The following TMTC2 variants were observed in gnomAD, a reference collection of about 807,000 sequenced individuals.
The protein encoded by TMTC2 is protein O-mannosyl-transferase TMTC2.
TMTC2 carries 43 observed loss-of-function variants against 82.4 expected under a neutral mutation model. That is an observed-to-expected ratio of 0.52 (90% CI 0.41 to 0.67). The LOEUF is 0.67. Ranked by LOEUF, TMTC2 falls within the 30% of genes least tolerant of loss-of-function variation. The pLI, the probability that TMTC2 is intolerant of heterozygous loss-of-function variation, is 0.00. For missense variants in TMTC2, 919 were observed against 1,012.4 expected, an observed-to-expected ratio of 0.91 and a Z score of 1.25; for synonymous variants, 408 against 381.9, an observed-to-expected ratio of 1.07 and a Z score of -0.80.
chr12:82,787,805 G>A (rs1878253377), intron 1 of TMTC2, among the ~76,000 whole-genome samples: 1 of 152,034 alleles, frequency 6.6e-6, no homozygotes, highest in South Asian at 2.1e-4. Context: ...CAGCTACTTG[G>A]GAGGCTGAGG....
chr12:83,045,465 G>A (rs1434468037), intron 9 of TMTC2, among the ~76,000 whole-genome samples: 1 of 151,954 alleles, frequency 6.6e-6, no homozygotes, highest in Non-Finnish European at 1.5e-5. Flanking sequence ...CATAGAATGT[G>A]TTTGCTGTAT....
At chr12:83,036,088 C>G (rs1881651046) in intron 9 of TMTC2, among the ~76,000 whole-genome samples, 1 of 152,124 alleles carries the variant, frequency 6.6e-6, no homozygotes, top group Admixed American at 6.6e-5. Flanking sequence ...TTCTAAAAAG[C>G]TATGGCCCCA....
intron 7 of TMTC2, 43 bp from the exon 8 acceptor site, chr12:82,985,882 G>C: frequency 6.3e-7 from 1 of 1,597,384 alleles, no homozygotes; most frequent in Non-Finnish European, 8.6e-7. Flanking sequence ...ATGTGGAAAA[G>C]CTGTATCCTC....
intron 10 of TMTC2, 27 bp downstream of exon 10, chr12:83,051,045 A>C: frequency 1.3e-6 from 2 of 1,548,412 alleles, no homozygotes; most frequent in Non-Finnish European, 1.8e-6. Context: ...CTGTGCCTCA[A>C]AGCCTAGGCT....
At chr12:82,946,712 C>T (rs1198924762) in intron 4 of TMTC2, among the ~76,000 whole-genome samples, 1 of 151,398 alleles carries the variant, frequency 6.6e-6, no homozygotes, top group African/African-American at 2.4e-5. Context: ...ATGTCATCAT[C>T]AGACTCAGAG....
intron 2 of TMTC2, 73 bp from the exon 3 acceptor site, chr12:82,895,745 T>C (rs1873630338): frequency 7.6e-7 from 1 of 1,324,218 alleles, no homozygotes. Flanking sequence ...ATGTATTTTA[T>C]CTCTAAGTGT....
intron 8 of TMTC2, among the ~76,000 whole-genome samples, chr12:83,005,226 G>GAAAAAAA (rs1880135591): frequency 1.6e-4 from 1 of 6,150 alleles, no homozygotes; most frequent in African/African-American, 2.3e-4. Flanking sequence ...AAAAAAAAAG[G>GAAAAAAA]GGAGAGAGAG....
rs1405186687 is a variant in TMTC2 at position 83,030,807 on chromosome 12, A to G, written c.2080A>G (p.Ser694Gly). 1 of 1,613,246 alleles carries G rather than the reference A, an allele frequency of 6.2e-7. No individual in the cohort carries two copies. ...GKLLALTGRK[S>G]EAEKLFLKAI... The stretch of plus-strand genomic sequence containing the variant: ...TTCTCTGTTTTTCAAGGGTCGTAAG[A>G]GTGAGGCTGAAAAGCTCTTCTTGAA... The change falls in exon 9 of 12, where the codon AGT (serine) becomes GGT (glycine). Residue 694 changes from serine (S) to glycine (G), a missense_variant. By Grantham distance (56) the Ser-to-Gly change is moderately conservative. Transcript: ENST00000321196.
chr12:82,912,360 G>A (rs534129587), intron 3 of TMTC2, among the ~76,000 whole-genome samples: 1 of 152,204 alleles, frequency 6.6e-6, no homozygotes, highest in South Asian at 2.1e-4. Flanking sequence ...CTCTGTGTAG[G>A]AACTTGGAAG....
At position 82,687,469 on chromosome 12, in the gene TMTC2, G is replaced by A; in HGVS notation, c.-118G>A. 1 of 959,364 alleles carries A rather than the reference G, an allele frequency of 1.0e-6. No individual in the cohort carries two copies. The highest frequency in any genetic ancestry group is 1.5e-5 in the South Asian group (1 of 64,622). The allele number at this position is 959,364 out of a possible 1,614,324, so 59.4% of individuals were successfully genotyped here. On this transcript the variant is annotated 5_prime_UTR_variant, in exon 1 of 12. Transcript: ENST00000321196. ...CCCGAGGGAGGGAGGGTGGGGAAGCGAGGGAAAAGTGAAGCTGGGAGGAGA... is the reference window on the plus strand; with the variant it reads ...CCCGAGGGAGGGAGGGTGGGGAAGCAAGGGAAAAGTGAAGCTGGGAGGAGA...
At chr12:82,966,299 G>A (rs569460052) in intron 6 of TMTC2, among the ~76,000 whole-genome samples, 2 of 152,214 alleles carry the variant, frequency 1.3e-5, no homozygotes, top group East Asian at 3.9e-4. Flanking sequence ...TGCACAGTAA[G>A]TTAGGAGGTG....
intron 1 of TMTC2, among the ~76,000 whole-genome samples, chr12:82,769,252 C>T (rs1016949851): frequency 2.6e-5 from 4 of 152,020 alleles, no homozygotes; most frequent in Admixed American, 2.6e-4. Flanking sequence ...GCGGGTGAAA[C>T]ACCTTAGGTC....
At chr12:82,733,525 T>G (rs755862830) in intron 1 of TMTC2, among the ~76,000 whole-genome samples, 4 of 152,202 alleles carry the variant, frequency 2.6e-5, no homozygotes, top group African/African-American at 9.7e-5. Flanking sequence ...GAACTACTTA[T>G]GAACAGGCAG....
intron 1 of TMTC2, among the ~76,000 whole-genome samples, chr12:82,777,941 CTT>C (rs1321938004): frequency 2.0e-5 from 3 of 152,092 alleles, no homozygotes; most frequent in African/African-American, 7.2e-5. Flanking sequence ...TGCCTGCTCT[CTT>C]TGTGGGGGCT....
intron 1 of TMTC2, among the ~76,000 whole-genome samples, chr12:82,803,100 T>C (rs1467684578): frequency 6.6e-6 from 1 of 152,066 alleles, no homozygotes; most frequent in Non-Finnish European, 1.5e-5. Context: ...GAACACTGAG[T>C]GGCAAATGTA....
intron 4 of TMTC2, among the ~76,000 whole-genome samples, chr12:82,948,160 G>A (rs571881162): frequency 6.6e-6 from 1 of 152,290 alleles, no homozygotes; most frequent in African/African-American, 2.4e-5. Context: ...GAGCCCAGAA[G>A]TTCAAGACCA....
At chr12:83,037,563 A>G (rs1021067045) in intron 9 of TMTC2, among the ~76,000 whole-genome samples, 1 of 152,182 alleles carries the variant, frequency 6.6e-6, no homozygotes, top group African/African-American at 2.4e-5. Flanking sequence ...AGCATCAGCA[A>G]TACACAGATA....
intron 8 of TMTC2, among the ~76,000 whole-genome samples, chr12:83,023,024 G>T (rs907349857): frequency 1.3e-5 from 2 of 152,138 alleles, no homozygotes; most frequent in Admixed American, 6.6e-5. Context: ...TGTATTTAAA[G>T]GTATTTTCTT....
intron 1 of TMTC2, among the ~76,000 whole-genome samples, chr12:82,719,077 ATATATATATTTTTT>A (rs1302213618): frequency 3.0e-5 from 2 of 67,706 alleles, no homozygotes; most frequent in South Asian, 5.9e-4. Flanking sequence ...ATATATATAT[ATATATATATTTTTT>A]TTTTTTTTTT....
Sources: gnomAD v4.1 joint callset for allele counts (sites outside exome capture counted in the v4.1 genomes callset) on GRCh38, gnomAD v4.1.1 for gene constraint, MANE v1.5 for transcripts, NCBI Gene and HGNC (gene_info 2026-07-23, HGNC 2026-07-21) for gene names.